VWA8: variants seen among roughly 807,000 people sequenced by gnomAD.
VWA8 encodes von Willebrand factor A domain-containing protein 8.
Under a neutral mutation model 241.5 loss-of-function variants are expected in VWA8, and 221 were observed. The ratio of observed to expected loss-of-function variants is 0.91; its 90% confidence interval spans 0.82 to 1.02. The LOEUF (loss-of-function observed/expected upper bound fraction) is 1.02, where lower values mean the gene tolerates loss of function less well. VWA8 is among the 50% of genes least tolerant of loss of function. VWA8 has a pLI of 0.00. For synonymous variants in VWA8, 852 were observed against 827.1 expected, an observed-to-expected ratio of 1.03 and a Z score of -0.52; for missense variants, 2,322 against 2,328.7, an observed-to-expected ratio of 1.00 and a Z score of 0.06.
intron 35 of VWA8, among the ~76,000 whole-genome samples, chr13:41,680,938 T>C (rs2045094288): frequency 6.6e-6 from 1 of 152,262 alleles, no homozygotes; most frequent in African/African-American, 2.4e-5. Flanking sequence ...AAGGTCTCTC[T>C]TTGACTGAAC....
chr13:41,659,758 T>G (rs781478878), intron 37 of VWA8, among the ~76,000 whole-genome samples: 13 of 152,180 alleles, frequency 8.5e-5, no homozygotes, highest in Admixed American at 2.6e-4. Context: ...AAAAATATGT[T>G]CAAATTGGTG....
At chr13:41,911,790 T>C (rs1244059503) in intron 3 of VWA8, among the ~76,000 whole-genome samples, 1 of 152,206 alleles carries the variant, frequency 6.6e-6, no homozygotes, top group African/African-American at 2.4e-5. Flanking sequence ...TATATCTCTT[T>C]TCTACTGGAA....
intron 21 of VWA8, among the ~76,000 whole-genome samples, chr13:41,742,591 T>C (rs901929558): frequency 7.2e-5 from 11 of 152,244 alleles, no homozygotes; most frequent in African/African-American, 2.4e-4. Context: ...TCTTGGATTT[T>C]ATTGGTTAAT....
rs80082939 is a variant in VWA8 at position 41,602,554 on chromosome 13, T to C, written c.4986+2614A>G. On this transcript the variant is annotated intron_variant, in intron 40 of 44. Coordinates refer to ENST00000379310, the MANE Select transcript of VWA8 (RefSeq NM_015058.2). ...AGAAAATTATACATACTGGTTTCTG[T>C]AGAGGTTAAATAGCACAATGAATGT... Among the ~76,000 whole-genome samples, 817 of 152,244 alleles carry C rather than the reference T, an allele frequency of 5.4e-3. 13 individuals are homozygous for C. The highest frequency in any genetic ancestry group is 0.019 in the African/African-American group (782 of 41,550).
At chr13:41,706,760 T>C (rs990696763) in intron 26 of VWA8, among the ~76,000 whole-genome samples, 6 of 152,224 alleles carry the variant, frequency 3.9e-5, no homozygotes, top group African/African-American at 1.2e-4. Flanking sequence ...CATCCAACTC[T>C]GACCAGACTT....
chr13:41,912,858 C>A (rs1047272626), intron 2 of VWA8, among the ~76,000 whole-genome samples: 6 of 152,160 alleles, frequency 3.9e-5, no homozygotes, highest in Admixed American at 1.3e-4. Context: ...TCTAACTCAG[C>A]ATTTTCTAAA....
intron 42 of VWA8, among the ~76,000 whole-genome samples, chr13:41,576,716 TTAAA>T (rs1249329389): frequency 2.0e-5 from 3 of 152,170 alleles, no homozygotes; most frequent in Admixed American, 6.5e-5. Context: ...CTACCAACTG[TTAAA>T]TAAAACATGT....
chr13:41,671,279 C>T, intron 36 of VWA8, 132 bp from the exon 37 acceptor site: 1 of 964,234 alleles, frequency 1.0e-6, no homozygotes, highest in Non-Finnish European at 1.5e-6. Context: ...CCTGCTCTTA[C>T]CTCTGTCACC....
At chr13:41,952,810 G>A (rs1361216640) in intron 1 of VWA8, among the ~76,000 whole-genome samples, 1 of 152,044 alleles carries the variant, frequency 6.6e-6, no homozygotes, top group Admixed American at 6.5e-5. Flanking sequence ...TTCAAACTGA[G>A]TAACTGAGGA....
rs554086224 is a variant in VWA8, at chr13:41,882,396, C to G, written c.1080+991G>C. ...GCAGAGACGCTCCTCACTTCCCAGACGGGGTGGCGGCCAGGCAGAGGCTGC... is the reference window on the plus strand; with the variant it reads ...GCAGAGACGCTCCTCACTTCCCAGAGGGGGTGGCGGCCAGGCAGAGGCTGC... On this transcript the variant is annotated intron_variant, in intron 9 of 44. Coordinates refer to ENST00000379310, the MANE Select transcript of VWA8 (RefSeq NM_015058.2). Among the ~76,000 whole-genome samples the G allele has an allele frequency of 5.1e-3, 780 of 152,096 alleles. 4 individuals are homozygous for G. Among genetic ancestry groups the G allele is most frequent in the African/African-American group, 0.018 (746 of 41,492 alleles).
chr13:41,657,007 C>G (rs2139692034), intron 37 of VWA8, among the ~76,000 whole-genome samples: 1 of 152,228 alleles, frequency 6.6e-6, no homozygotes, highest in South Asian at 2.1e-4. Flanking sequence ...AGACATGGCC[C>G]AGGTCTGACC....
intron 1 of VWA8, among the ~76,000 whole-genome samples, chr13:41,952,722 G>A (rs554171108): frequency 2.9e-4 from 44 of 151,828 alleles, no homozygotes; most frequent in Non-Finnish European, 5.6e-4. Context: ...ACAAATTCAT[G>A]GTAACTTGAC....
intron 3 of VWA8, among the ~76,000 whole-genome samples, chr13:41,909,051 A>C (rs893497432): frequency 2.1e-5 from 3 of 141,636 alleles, no homozygotes; most frequent in Non-Finnish European, 4.6e-5. Context: ...AAGGAGGAAA[A>C]AAATTTTTTT....
Position 41,873,431 on chromosome 13 carries a change from C to T in VWA8, c.1081-4954G>A, listed in dbSNP as rs534720170. Among the ~76,000 whole-genome samples, 1,090 of 151,862 alleles carry T rather than the reference C, an allele frequency of 7.2e-3. 8 individuals carry two copies. The highest frequency in any genetic ancestry group is 8.1e-3 in the Non-Finnish European group (547 of 67,934). ...GAAAGGATCAACAAAATTGACAGACCGCTAGCAAGACTAATAAAGAAAAAA... is the reference window on the plus strand; with the variant it reads ...GAAAGGATCAACAAAATTGACAGACTGCTAGCAAGACTAATAAAGAAAAAA... On this transcript the variant is annotated intron_variant, in intron 9 of 44. Transcript: ENST00000379310.
Position 41,580,021 on chromosome 13 carries a change from A to AT in VWA8, c.5272-4184dup, listed in dbSNP as rs768774373. ...GCCGCCACACCTGGCTAATTTTTGTATTTTTTTTTTTTTTGTAGAGACAGG... is the reference window on the plus strand; with the variant it reads ...GCCGCCACACCTGGCTAATTTTTGTATTTTTTTTTTTTTTTGTAGAGACAGG... On this transcript the variant is annotated intron_variant, in intron 42 of 44. Coordinates refer to ENST00000379310, the MANE Select transcript of VWA8 (RefSeq NM_015058.2). 8.6e-3 allele frequency among the ~76,000 whole-genome samples: 1,199 copies of AT among 139,598 alleles called. 6 individuals carry two copies. Among genetic ancestry groups the AT allele is most frequent in the Non-Finnish European group, 0.013 (802 of 63,600 alleles). 91.6% of individuals were successfully genotyped at this position (139,598 alleles called of 152,430 possible).
chr13:41,568,799 G>C lies in VWA8; in HGVS notation c.5610-494C>G, dbSNP rs117894021. 1.7e-3 allele frequency among the ~76,000 whole-genome samples: 253 copies of C among 151,550 alleles called. 3 individuals are homozygous for C. The East Asian group carries it at 0.044, about 26-fold the overall frequency. On this transcript the variant is annotated intron_variant, in intron 44 of 44. Transcript: ENST00000379310. ...TTCTTTGCCTCTCTCTCTTTTTTTT[G>C]GTCCACATCACACAATGTGAAATGC...
intron 43 of VWA8, among the ~76,000 whole-genome samples, chr13:41,572,728 T>A (rs1182764749): frequency 7.2e-6 from 1 of 138,198 alleles, no homozygotes; most frequent in African/African-American, 2.8e-5. Context: ...TGACCTTCCC[T>A]CCACTATTGT....
chr13:41,785,509 C>T (rs534486253), intron 18 of VWA8, among the ~76,000 whole-genome samples: 4 of 151,896 alleles, frequency 2.6e-5, no homozygotes, highest in East Asian at 3.9e-4. Flanking sequence ...CACTAGAATG[C>T]GACTTTTGTG....
chr13:41,638,629 A>G (rs2044774774), intron 37 of VWA8, among the ~76,000 whole-genome samples: 1 of 152,166 alleles, frequency 6.6e-6, no homozygotes, highest in African/African-American at 2.4e-5. Flanking sequence ...TAGAACATGG[A>G]AGTTACTTGT....
Sources: gnomAD v4.1 joint callset for allele counts (sites outside exome capture counted in the v4.1 genomes callset) on GRCh38, gnomAD v4.1.1 for gene constraint, MANE v1.5 for transcripts, NCBI Gene and HGNC (gene_info 2026-07-23, HGNC 2026-07-21) for gene names.